The following RAF1 variants were observed in gnomAD, a reference collection of about 807,000 sequenced individuals.
RAF1 encodes the protein Raf-1 proto-oncogene, serine/threonine kinase, also known as RAF proto-oncogene serine/threonine-protein kinase.
RAF1 carries 27 observed loss-of-function variants against 81.1 expected under a neutral mutation model. The ratio of observed to expected loss-of-function variants is 0.33; its 90% CI spans 0.25 to 0.46. The LOEUF is 0.46. RAF1 is among the 20% of genes least tolerant of loss of function. The pLI, the probability that RAF1 is intolerant of heterozygous loss-of-function variation, is 1.00. For missense variants in RAF1, 598 were observed against 826.0 expected, an observed-to-expected ratio of 0.72 and a Z score of 3.38; for synonymous variants, 298 against 294.0, an observed-to-expected ratio of 1.01 and a Z score of -0.14.
chr3:12,631,098 T>C (rs988941978), intron 1 of RAF1, among the ~76,000 whole-genome samples: 1 of 152,188 alleles, frequency 6.6e-6, no homozygotes, highest in African/African-American at 2.4e-5. Flanking sequence ...GGTGGGCGGA[T>C]GAGCCCAAGA....
Position 12,605,310 on chromosome 3 carries a change from C to A in RAF1, c.680+891G>T, listed in dbSNP as rs569800916. Among the ~76,000 whole-genome samples the A allele has an allele frequency of 2.3e-5, 3 of 129,732 alleles. No individual in the cohort carries two copies. The Admixed American group carries it at 2.3e-4, about 10-fold the overall frequency. 85.1% of individuals were successfully genotyped at this position (129,732 alleles called of 152,430 possible). A position where few individuals can be genotyped will look rare whatever the true frequency, so the allele number is the denominator to read the frequency against. The stretch of plus-strand genomic sequence containing the variant: ...TACATAATATATTTTTTTTTGGAGA[C>A]AGAGTCTTGCTCTGTCACCAAGGCT... On this transcript the variant is annotated intron_variant, in intron 6 of 17. Transcript: ENST00000442415.
At chr3:12,623,254 T>C (rs2059601988) in intron 1 of RAF1, among the ~76,000 whole-genome samples, 5 of 152,142 alleles carry the variant, frequency 3.3e-5, no homozygotes, top group Admixed American at 6.5e-5. Flanking sequence ...TTCCAATCGA[T>C]TGGTGAAGAA....
chr3:12,605,248 T>TTGTGTG (rs745742208), intron 6 of RAF1, among the ~76,000 whole-genome samples: 8 of 111,654 alleles, frequency 7.2e-5, no homozygotes, highest in Admixed American at 1.8e-4. Flanking sequence ...TGATTACACA[T>TTGTGTG]TATGTGTGTG....
intron 1 of RAF1, among the ~76,000 whole-genome samples, chr3:12,655,294 C>T (rs2060655894): frequency 6.6e-6 from 1 of 152,150 alleles, no homozygotes. Flanking sequence ...CCATGTTGGC[C>T]AGGCTGGTCT....
intron 1 of RAF1, among the ~76,000 whole-genome samples, chr3:12,651,931 C>T (rs9852359): frequency 0.21 from 31,683 of 149,790 alleles, 3,625 homozygotes; most frequent in African/African-American, 0.29. Context: ...ACTGCTTGAA[C>T]CCAGGAGGTG....
chr3:12,651,033 G>GATAC (rs1487211126), intron 1 of RAF1, among the ~76,000 whole-genome samples: 2 of 152,160 alleles, frequency 1.3e-5, no homozygotes, highest in African/African-American at 4.8e-5. Flanking sequence ...CCTGATGAAG[G>GATAC]ATACAGCCTT....
rs539377281 is a variant in RAF1 at position 12,607,812 on chromosome 3, G to A, written c.581+954C>T. Among the ~76,000 whole-genome samples, 43 of 151,834 alleles carry A rather than the reference G, an allele frequency of 2.8e-4. 1 individual carries two copies. Among genetic ancestry groups the A allele is most frequent in the African/African-American group, 9.7e-4 (40 of 41,380 alleles). On this transcript the variant is annotated intron_variant, in intron 5 of 17. Transcript: ENST00000442415. ...CTAAAACTACAAAAATTAGCTGGGC[G>A]TGGTGGTGTGTGCCTGTAGTCTGAG...
At chr3:12,605,250 A>ATGTGTGTGTGTGTGTGTGTGTG (rs139616156) in intron 6 of RAF1, among the ~76,000 whole-genome samples, 180 of 144,626 alleles carry the variant, frequency 1.2e-3, no homozygotes, top group Non-Finnish European at 2.1e-3. Context: ...ATTACACATT[A>ATGTGTGTGTGTGTGTGTGTGTG]TGTGTGTGTG....
intron 2 of RAF1, 109 bp downstream of exon 2, chr3:12,618,406 G>C: frequency 9.1e-7 from 1 of 1,103,264 alleles, no homozygotes; most frequent in Non-Finnish European, 1.3e-6. Context: ...AAAAAATAAA[G>C]ACCCTAAATG....
At chr3:12,633,974 T>C (rs149139473) in intron 1 of RAF1, among the ~76,000 whole-genome samples, 57 of 147,484 alleles carry the variant, frequency 3.9e-4, no homozygotes, top group African/African-American at 1.4e-3. Context: ...GGAATCCGAA[T>C]GACTTCAAAC....
intron 1 of RAF1, among the ~76,000 whole-genome samples, chr3:12,657,646 C>T (rs13100956): frequency 0.12 from 18,531 of 151,822 alleles, 1,356 homozygotes; most frequent in Admixed American, 0.2. Flanking sequence ...TGGTGCATGC[C>T]TGTAACCCCA....
At chr3:12,594,446 T>C (rs538127312) in intron 11 of RAF1, among the ~76,000 whole-genome samples, 1 of 152,296 alleles carries the variant, frequency 6.6e-6, no homozygotes, top group East Asian at 1.9e-4. Context: ...TTGTAGTCCA[T>C]TCCCTTTCTT....
chr3:12,602,072 A>G (rs1036773537), intron 8 of RAF1, among the ~76,000 whole-genome samples: 1 of 152,260 alleles, frequency 6.6e-6, no homozygotes, highest in African/African-American at 2.4e-5. Context: ...ATTCCTATGT[A>G]GCAGAATATT....
chr3:12,640,855 A>G (rs933007575), intron 1 of RAF1, among the ~76,000 whole-genome samples: 35 of 152,142 alleles, frequency 2.3e-4, no homozygotes, highest in African/African-American at 8.5e-4. Context: ...CAGCCATCTC[A>G]TTACTGGGCA....
intron 3 of RAF1, among the ~76,000 whole-genome samples, chr3:12,611,573 G>A (rs781499180): frequency 2.6e-5 from 4 of 152,084 alleles, no homozygotes; most frequent in Admixed American, 6.5e-5. Context: ...GGTGGTGGGC[G>A]CCTGTAGTCC....
intron 5 of RAF1, 65 bp from the exon 6 acceptor site, chr3:12,606,364 G>C: frequency 7.8e-7 from 1 of 1,276,136 alleles, no homozygotes; most frequent in Middle Eastern, 1.8e-4. Flanking sequence ...CAATCAGCAT[G>C]CCTTGCTTTT....
rs1490888909 is a variant in RAF1, at chr3:12,584,176, C to T, written c.*338G>A. The T allele has an allele frequency of 4.8e-6, 2 of 418,208 alleles. No individual in the cohort carries two copies. Among genetic ancestry groups the T allele is most frequent in the East Asian group, 8.0e-5 (2 of 24,864 alleles). 25.9% of individuals were successfully genotyped at this position (418,208 alleles called of 1,614,324 possible). On this transcript the variant is annotated 3_prime_UTR_variant, in exon 18 of 18. Coordinates refer to ENST00000442415, the MANE Select transcript of RAF1 (RefSeq NM_001354689.3). Reference sequence around the variant, plus strand: ...GCTGGACTGCCTGCTACCTTACTTCCTCTAAATACTCATGTAGCCAACAGC... The same window carrying T: ...GCTGGACTGCCTGCTACCTTACTTCTTCTAAATACTCATGTAGCCAACAGC...
At position 12,602,346 on chromosome 3, in the gene RAF1, A is replaced by C. The variant is rs554557126; in HGVS notation, c.894+1132T>G. On this transcript the variant is annotated intron_variant, in intron 8 of 17. Transcript: ENST00000442415. ...ATTTACCCTGCTTCTAAAGTAAAAA[A>C]TGATTAGGCACAACAATTGTGCTAA... 1.0e-3 allele frequency among the ~76,000 whole-genome samples: 155 copies of C among 152,352 alleles called. No homozygotes were observed. Among genetic ancestry groups the C allele is most frequent in the Non-Finnish European group, 1.9e-3 (130 of 68,024 alleles).
chr3:12,647,793 T>C (rs970051963), intron 1 of RAF1, among the ~76,000 whole-genome samples: 1 of 152,186 alleles, frequency 6.6e-6, no homozygotes, highest in Non-Finnish European at 1.5e-5. Flanking sequence ...CTCACTCCTC[T>C]TTCTCAATTT....
Sources: gnomAD v4.1 joint callset for allele counts (sites outside exome capture counted in the v4.1 genomes callset) on GRCh38, gnomAD v4.1.1 for gene constraint, MANE v1.5 for transcripts, NCBI Gene and HGNC (gene_info 2026-07-23, HGNC 2026-07-21) for gene names.